Variants in SYTL5 observed in about 807,000 individuals in gnomAD.
The protein encoded by SYTL5 is synaptotagmin-like protein 5.
In SYTL5, 34 loss-of-function variants were observed where a neutral mutation model predicts 55.9. That is an observed-to-expected ratio of 0.61 (90% CI 0.46 to 0.81). SYTL5 has a LOEUF of 0.81. Ranked by LOEUF, SYTL5 falls within the 30% of genes least tolerant of loss-of-function variation. The pLI, the probability that SYTL5 is intolerant of heterozygous loss-of-function variation, is 0.00. For synonymous variants in SYTL5, 221 were observed against 188.7 expected, an observed-to-expected ratio of 1.17 and a Z score of -1.40; for missense variants, 637 against 546.7, an observed-to-expected ratio of 1.17 and a Z score of -1.65.
At chrX:38,052,678 A>G (rs192667673) in intron 2 of SYTL5, among the ~76,000 whole-genome samples, 313 of 112,468 alleles carry the variant, frequency 2.8e-3, no homozygotes, top group Middle Eastern at 9.3e-3. Context: ...CCTGAGCAGT[A>G]TATACAATAA....
At chrX:38,086,406 A>C (rs1056169588) in intron 6 of SYTL5, among the ~76,000 whole-genome samples, 1 of 112,405 alleles carries the variant, frequency 8.9e-6, no homozygotes, top group Non-Finnish European at 1.9e-5. Flanking sequence ...ATATTTCATA[A>C]GGTAAAGTAA....
At chrX:37,972,450 C>T in the SYTL5 span, among the ~76,000 whole-genome samples, 3 of 111,462 alleles carry the variant, frequency 2.7e-5, no homozygotes, top group Non-Finnish European at 5.7e-5. Flanking sequence ...GGAGGAGAAG[C>T]TCCAACGCGG....
intron 13 of SYTL5, among the ~76,000 whole-genome samples, chrX:38,115,271 T>G (rs1327934669): frequency 1.9e-5 from 2 of 106,336 alleles, no homozygotes; most frequent in East Asian, 2.9e-4. Flanking sequence ...GATCACGAGG[T>G]CAGGAGATCG....
the SYTL5 span, among the ~76,000 whole-genome samples, chrX:37,977,739 CACACACACGAA>C: frequency 9.9e-5 from 10 of 100,807 alleles, no homozygotes; most frequent in African/African-American, 3.3e-4. Flanking sequence ...CACACACACA[CACACACACGAA>C]GAGGGTATGA....
At chrX:37,979,654 T>C in the SYTL5 span, among the ~76,000 whole-genome samples, 1 of 105,756 alleles carries the variant, frequency 9.5e-6, no homozygotes, top group Non-Finnish European at 1.9e-5. Flanking sequence ...ACTCTGCAAG[T>C]TTAGCTTTCA....
the SYTL5 span, among the ~76,000 whole-genome samples, chrX:37,892,832 C>T: frequency 2.2e-5 from 2 of 92,913 alleles, no homozygotes; most frequent in Non-Finnish European, 2.1e-5. Flanking sequence ...TACACATATA[C>T]TATATATGTA....
At chrX:37,913,120 T>C in the SYTL5 span, among the ~76,000 whole-genome samples, 1 of 111,834 alleles carries the variant, frequency 8.9e-6, no homozygotes, top group Non-Finnish European at 1.9e-5. Context: ...GGAGCCATCT[T>C]GGACCATGGA....
At chrX:37,919,864 TA>T in the SYTL5 span, among the ~76,000 whole-genome samples, 1 of 112,281 alleles carries the variant, frequency 8.9e-6, no homozygotes, top group Non-Finnish European at 1.9e-5. Context: ...GGAAAAGAAT[TA>T]CATTTGGGCA....
At chrX:38,057,315 A>G (rs7060185) in intron 3 of SYTL5, among the ~76,000 whole-genome samples, 45,504 of 110,350 alleles carry the variant, frequency 0.41, 10,043 homozygotes, top group African/African-American at 0.85. Context: ...ATGTTTCTTC[A>G]TTTTTTATTC....
chrX:37,934,710 T>C, the SYTL5 span, among the ~76,000 whole-genome samples: 1 of 107,790 alleles, frequency 9.3e-6, no homozygotes. Flanking sequence ...TCTTGGCTTA[T>C]GCAACCTCTG....
At chrX:37,947,829 T>C in the SYTL5 span, among the ~76,000 whole-genome samples, 2 of 111,913 alleles carry the variant, frequency 1.8e-5, no homozygotes, top group South Asian at 7.5e-4. Flanking sequence ...AGGCTAATAA[T>C]AGCCACCTTG....
chrX:38,071,997 A>C, intron 3 of SYTL5, 50 bp from the exon 4 acceptor site: 3 of 897,387 alleles, frequency 3.3e-6, no homozygotes, highest in Non-Finnish European at 4.9e-6. Flanking sequence ...AGAGTTAATT[A>C]TGTGGCTAAA....
chrX:37,938,457 A>G, the SYTL5 span, among the ~76,000 whole-genome samples: 1 of 112,329 alleles, frequency 8.9e-6, no homozygotes, highest in South Asian at 3.7e-4. Context: ...TCTTTATACT[A>G]TATCTCCTTG....
the SYTL5 span, among the ~76,000 whole-genome samples, chrX:37,911,009 G>A: frequency 1.4e-4 from 13 of 93,094 alleles, no homozygotes; most frequent in African/African-American, 6.1e-4. Flanking sequence ...TCTGTTGCCC[G>A]GGATAGAGTG....
the SYTL5 span, among the ~76,000 whole-genome samples, chrX:37,933,679 A>G: frequency 5.0e-3 from 566 of 112,098 alleles, 2 homozygotes; most frequent in Non-Finnish European, 8.2e-3. Context: ...TAAACAAAAA[A>G]CTTAAATGGA....
chrX:38,068,427 G>A, intron 3 of SYTL5, among the ~76,000 whole-genome samples: 1 of 111,500 alleles, frequency 9.0e-6, no homozygotes, highest in South Asian at 3.8e-4. Flanking sequence ...CCCATTACTG[G>A]GTATATACCC....
At chrX:38,085,778 C>T (rs1177089430) in intron 6 of SYTL5, among the ~76,000 whole-genome samples, 1 of 111,396 alleles carries the variant, frequency 9.0e-6, no homozygotes, top group Non-Finnish European at 1.9e-5. Flanking sequence ...GAAATTATTT[C>T]CTGGCTACAA....
intron 9 of SYTL5, among the ~76,000 whole-genome samples, chrX:38,099,406 T>C (rs1937025443): frequency 9.0e-6 from 1 of 111,072 alleles, no homozygotes; most frequent in African/African-American, 3.3e-5. Context: ...AAAGGGGCAA[T>C]TTGAAAAAAT....
intron 3 of SYTL5, among the ~76,000 whole-genome samples, chrX:38,060,144 C>T: frequency 9.0e-6 from 1 of 111,545 alleles, no homozygotes; most frequent in East Asian, 2.8e-4. Flanking sequence ...GTATACTTTT[C>T]AATACAAGAT....
Sources: allele counts gnomAD v4.1 joint callset (sites outside exome capture counted in the v4.1 genomes callset), GRCh38; gene constraint gnomAD v4.1.1; transcripts MANE v1.5; gene names NCBI Gene and HGNC (gene_info 2026-07-23, HGNC 2026-07-21).